Variants in ABHD13 observed in about 807,000 individuals in gnomAD.
The protein encoded by ABHD13 is abhydrolase domain containing 13, also known as protein ABHD13.
A neutral mutation model predicts 25.2 loss-of-function variants in ABHD13; 7 were observed. The ratio of observed to expected loss-of-function variants is 0.28; its 90% CI spans 0.16 to 0.52. The LOEUF (loss-of-function observed/expected upper bound fraction) is 0.52, where lower values mean the gene tolerates loss of function less well. ABHD13 is among the 20% of genes least tolerant of loss of function. The probability of loss-of-function intolerance (pLI) is 0.96; values close to 1 mark genes in which losing one functional copy is unlikely to be tolerated. For missense variants in ABHD13, 302 were observed against 402.7 expected, an observed-to-expected ratio of 0.75 and a Z score of 2.14; for synonymous variants, 133 against 136.1, an observed-to-expected ratio of 0.98 and a Z score of 0.16.
In ABHD13 at chr13:108,232,228, T is replaced by C. The variant is rs1357186793; in HGVS notation, c.*1996T>C. On this transcript the variant is annotated 3_prime_UTR_variant, in exon 2 of 2. Transcript: ENST00000375898. ...TATTTCTTCATCAGTATTTTGCTTTTATGCTGCTTTTTCTTTTTGATACTC... is the reference window on the plus strand; with the variant it reads ...TATTTCTTCATCAGTATTTTGCTTTCATGCTGCTTTTTCTTTTTGATACTC... The C allele has an allele frequency of 6.0e-6, 1 of 166,926 alleles. No homozygotes were observed. The highest frequency in any genetic ancestry group is 1.5e-5 in the Non-Finnish European group (1 of 68,010). The allele number at this position is 166,926 out of a possible 1,614,324, so 10.3% of individuals were successfully genotyped here.
At position 108,229,926 on chromosome 13, in the gene ABHD13, T is replaced by C; in HGVS notation, c.708T>C (p.Arg236=). Residue 236 remains arginine (R), a synonymous_variant, in exon 2 of 2, where the codon CGT becomes CGC. Coordinates refer to ENST00000375898, the MANE Select transcript of ABHD13 (RefSeq NM_032859.3). This position sits in a 1 kb window ranked among gnomAD's most constrained non-coding sequence, Gnocchi z 4.7. ...ASTLFSFFPM[R]YLPLWCYKNK... The stretch of plus-strand genomic sequence containing the variant: ...CTTTATTTTCATTCTTTCCGATGCG[T>C]TACCTTCCTTTATGGTGCTACAAAA... The C allele has an allele frequency of 6.2e-7, 1 of 1,613,302 alleles. No individual in the cohort carries two copies. Among genetic ancestry groups the C allele is most frequent in the Non-Finnish European group, 8.5e-7 (1 of 1,179,484 alleles).
In ABHD13 at chr13:108,231,774, G is replaced by A. The variant is rs905687338; in HGVS notation, c.*1542G>A. 5 of 166,708 alleles carry A rather than the reference G, an allele frequency of 3.0e-5. No homozygotes were observed. The highest frequency in any genetic ancestry group is 1.5e-5 in the Non-Finnish European group (1 of 67,926). The allele number at this position is 166,708 out of a possible 1,614,324, so 10.3% of individuals were successfully genotyped here. On this transcript the variant is annotated 3_prime_UTR_variant, in exon 2 of 2. Coordinates refer to ENST00000375898, the MANE Select transcript of ABHD13 (RefSeq NM_032859.3). The stretch of plus-strand genomic sequence containing the variant: ...TAATTTAAAACTTTCAATGGAGATA[G>A]GGCTAGAAATACTTTTGCCAAATAG...
rs1182438396 is a variant in ABHD13, at chr13:108,224,910, A to G, written c.-20-4289A>G. Among the ~76,000 whole-genome samples the G allele has an allele frequency of 3.3e-5, 5 of 152,198 alleles. No individual in the cohort carries two copies. In the South Asian group the frequency reaches 6.2e-4, roughly 19 times the overall value. On this transcript the variant is annotated intron_variant, in intron 1 of 1. Transcript: ENST00000375898. ...AAACCATTCTTGTAAAAGGAAAACA[A>G]TCATATCTAATTTATACAGTACATG... is the stretch of plus-strand genomic sequence containing the variant.
chr13:108,224,613 A>C (rs943649521), intron 1 of ABHD13, among the ~76,000 whole-genome samples: 4 of 152,234 alleles, frequency 2.6e-5, no homozygotes, highest in Non-Finnish European at 5.9e-5. Context: ...GCCATCACTC[A>C]TGCCCTTAGC....
chr13:108,227,461 A>G (rs1036402723), intron 1 of ABHD13, among the ~76,000 whole-genome samples: 5 of 152,104 alleles, frequency 3.3e-5, no homozygotes, highest in Admixed American at 6.6e-5. Context: ...TAAAACGAAA[A>G]TAACTTTTCA....
Position 108,229,387 on chromosome 13 carries a change from C to A in ABHD13, c.169C>A (p.Leu57Met). 6.2e-7 allele frequency: 1 copy of A among 1,612,508 alleles called. No individual in the cohort carries two copies. The highest frequency in any genetic ancestry group is 8.5e-7 in the Non-Finnish European group (1 of 1,179,088). Residue 57 changes from leucine to methionine, a missense_variant, in exon 2 of 2, where the codon CTG becomes ATG. Physicochemically the swap from Leu to Met is conservative, Grantham distance 15. Coordinates refer to ENST00000375898, the MANE Select transcript of ABHD13 (RefSeq NM_032859.3). This position sits in a 1 kb window ranked among gnomAD's most constrained non-coding sequence, Gnocchi z 4.7. ...LLIFISIAGI[L>M]YKFQDVLLYF... ...AATATTCATATCAATAGCAGGTATT[C>A]TGTATAAATTCCAGGATGTATTGCT...
At chr13:108,227,390 A>G (rs1879697391) in intron 1 of ABHD13, among the ~76,000 whole-genome samples, 1 of 152,088 alleles carries the variant, frequency 6.6e-6, no homozygotes, top group Non-Finnish European at 1.5e-5. Flanking sequence ...AAAGAGATAT[A>G]CAATTCCTAG....
At chr13:108,228,415 C>T (rs1254593963) in intron 1 of ABHD13, among the ~76,000 whole-genome samples, 1 of 151,642 alleles carries the variant, frequency 6.6e-6, no homozygotes, top group Non-Finnish European at 1.5e-5. Flanking sequence ...AAGATACTGC[C>T]GATCTCATGA....
chr13:108,221,862 A>G (rs1475343779), intron 1 of ABHD13, among the ~76,000 whole-genome samples: 2 of 150,840 alleles, frequency 1.3e-5, no homozygotes, highest in African/African-American at 4.9e-5. Flanking sequence ...TTTTTGAGAC[A>G]TAGTCTCACT....
intron 1 of ABHD13, among the ~76,000 whole-genome samples, chr13:108,224,132 T>C (rs1182753693): frequency 6.6e-6 from 1 of 152,236 alleles, no homozygotes; most frequent in East Asian, 1.9e-4. Flanking sequence ...TGATTTTCCT[T>C]TGCTATATGT....
intron 1 of ABHD13, among the ~76,000 whole-genome samples, chr13:108,228,569 CT>C (rs993389266): frequency 1.3e-5 from 2 of 151,332 alleles, no homozygotes; most frequent in Non-Finnish European, 3.0e-5. Flanking sequence ...AGGGGGGATA[CT>C]TTTATTCTTT....
rs1422579510 is a variant in ABHD13 at position 108,229,164 on chromosome 13, G to A, written c.-20-35G>A. The A allele has an allele frequency of 1.2e-5, 17 of 1,434,120 alleles. No individual in the cohort carries two copies. The highest frequency in any genetic ancestry group is 9.3e-5 in the East Asian group (4 of 43,026). 88.8% of individuals were successfully genotyped at this position (1,434,120 alleles called of 1,614,324 possible). On this transcript the variant is annotated intron_variant, in intron 1 of 1. Transcript: ENST00000375898. The surrounding 1 kb of genome is among the most constrained non-coding windows in gnomAD (Gnocchi z 4.7). ...TGGATTTTTAAAAGAATAGATAGAC[G>A]TTGAATTATTGATATTCTCCCTCTC...
chr13:108,225,331 C>T (rs970972529), intron 1 of ABHD13, among the ~76,000 whole-genome samples: 4 of 152,070 alleles, frequency 2.6e-5, no homozygotes, highest in African/African-American at 7.2e-5. Flanking sequence ...AATTCATACA[C>T]AGGTGTGATA....
intron 1 of ABHD13, among the ~76,000 whole-genome samples, chr13:108,225,544 A>G (rs1879655470): frequency 6.6e-6 from 1 of 152,162 alleles, no homozygotes; most frequent in Non-Finnish European, 1.5e-5. Context: ...CACTAGATTT[A>G]TTTTAAAGTG....
Position 108,229,683 on chromosome 13 carries a change from A to C in ABHD13, c.465A>C (p.Lys155Asn), listed in dbSNP as rs778763781. 6.2e-7 allele frequency: 1 copy of C among 1,613,390 alleles called. No homozygotes were observed. The highest frequency in any genetic ancestry group is 1.1e-5 in the South Asian group (1 of 91,074). The change falls in exon 2 of 2, where the codon AAA becomes AAC. Residue 155 changes from lysine (K) to asparagine (N), a missense_variant. Transcript: ENST00000375898. This position sits in a 1 kb window ranked among gnomAD's most constrained non-coding sequence, Gnocchi z 4.7. ...TGGTTGATTATCGAGGATATGGAAA[A>C]AGTGAAGGAGAAGCAAGTGAAGAAG... ...LLLVDYRGYG[K>N]SEGEASEEGL...
At chr13:108,223,724 C>G (rs1240217967) in intron 1 of ABHD13, among the ~76,000 whole-genome samples, 1 of 152,188 alleles carries the variant, frequency 6.6e-6, no homozygotes, top group Non-Finnish European at 1.5e-5. Context: ...GAGCATAATA[C>G]TGATCTTGTG....
Position 108,233,211 on chromosome 13 carries a change from A to G in ABHD13, c.*2979A>G, listed in dbSNP as rs1879845230. The G allele has an allele frequency of 6.0e-6, 1 of 166,828 alleles. No homozygotes were observed. The highest frequency in any genetic ancestry group is 2.1e-4 in the South Asian group (1 of 4,822). 10.3% of individuals were successfully genotyped at this position (166,828 alleles called of 1,614,324 possible). ...ATGTCACTGGAGTAATTACGCTGTA[A>G]TACCTGTTGAGAATTCATACCATCT... On this transcript the variant is annotated 3_prime_UTR_variant, in exon 2 of 2. Coordinates refer to ENST00000375898, the MANE Select transcript of ABHD13 (RefSeq NM_032859.3).
At position 108,231,927 on chromosome 13, in the gene ABHD13, A is replaced by G. The variant is rs1879813348; in HGVS notation, c.*1695A>G. ...TTTTTAAAACAAGTTGGTAATGCAT[A>G]TCATGGAAGGCATATTTTGTATGTA... On this transcript the variant is annotated 3_prime_UTR_variant, in exon 2 of 2. Coordinates refer to ENST00000375898, the MANE Select transcript of ABHD13 (RefSeq NM_032859.3). 2 of 166,900 alleles carry G rather than the reference A, an allele frequency of 1.2e-5. No individual in the cohort carries two copies. Among genetic ancestry groups the G allele is most frequent in the South Asian group, 4.1e-4 (2 of 4,828 alleles). The allele number at this position is 166,900 out of a possible 1,614,324, so 10.3% of individuals were successfully genotyped here.
Position 108,229,379 on chromosome 13 carries a change from C to G in ABHD13, c.161C>G (p.Ala54Gly), listed in dbSNP as rs764678118. ...ILLLLIFISIAGILYKFQDVL... is the reference protein window; with the variant it reads ...ILLLLIFISIGGILYKFQDVL... ...CTTTTGTTAATATTCATATCAATAG[C>G]AGGTATTCTGTATAAATTCCAGGAT... Residue 54 changes from alanine (A) to glycine (G), a missense_variant, in exon 2 of 2, where the codon GCA (alanine) becomes GGA (glycine). Physicochemically the swap from Ala to Gly is moderately conservative, Grantham distance 60. Transcript: ENST00000375898. The surrounding 1 kb of genome is among the most constrained non-coding windows in gnomAD (Gnocchi z 4.7). 1 of 1,612,514 alleles carries G rather than the reference C, an allele frequency of 6.2e-7. No homozygotes were observed. Among genetic ancestry groups the G allele is most frequent in the South Asian group, 1.1e-5 (1 of 90,942 alleles).
Sources: allele counts gnomAD v4.1 joint callset (sites outside exome capture counted in the v4.1 genomes callset), GRCh38; gene constraint gnomAD v4.1.1; non-coding constraint Gnocchi (gnomAD v3.1); transcripts MANE v1.5; gene names NCBI Gene and HGNC (gene_info 2026-07-23, HGNC 2026-07-21).